The following SAMTOR variants were observed in gnomAD, a reference collection of about 807,000 sequenced individuals.
The protein encoded by SAMTOR is S-adenosylmethionine sensor upstream of mTORC1.
chr7:112,922,297 G>A, the SAMTOR span, among the ~76,000 whole-genome samples: 7 of 152,258 alleles, frequency 4.6e-5, 1 homozygote, highest in South Asian at 2.1e-4. Flanking sequence ...GCATGATCTC[G>A]GCTTGCTACA....
chr7:112,857,274 G>C, the SAMTOR span, among the ~76,000 whole-genome samples: 1 of 149,716 alleles, frequency 6.7e-6, no homozygotes, highest in African/African-American at 2.5e-5. Context: ...TGTATTTTTA[G>C]TAGAGACGGG....
the SAMTOR span, among the ~76,000 whole-genome samples, chr7:112,892,998 GTAAAC>G: frequency 6.6e-6 from 1 of 152,030 alleles, no homozygotes; most frequent in Admixed American, 6.5e-5. Context: ...TAAATATTCC[GTAAAC>G]TATTCTTTAA....
chr7:112,918,281 G>T, the SAMTOR span, among the ~76,000 whole-genome samples: 2,396 of 152,278 alleles, frequency 0.016, 66 homozygotes, highest in African/African-American at 0.054. Context: ...GAAGAGAGTG[G>T]GGGCCTATAT....
the SAMTOR span, among the ~76,000 whole-genome samples, chr7:112,848,127 TG>T: frequency 1.3e-5 from 2 of 152,180 alleles, no homozygotes; most frequent in African/African-American, 4.8e-5. Context: ...AGCTCCAGCC[TG>T]GGCAACAGAG....
At chr7:112,936,013 T>C in the SAMTOR span, among the ~76,000 whole-genome samples, 1 of 152,196 alleles carries the variant, frequency 6.6e-6, no homozygotes, top group Non-Finnish European at 1.5e-5. Context: ...GCGAAACTAG[T>C]TTTTTTAATT....
At chr7:112,920,829 G>A in the SAMTOR span, among the ~76,000 whole-genome samples, 1 of 151,982 alleles carries the variant, frequency 6.6e-6, no homozygotes, top group African/African-American at 2.4e-5. Context: ...CAAATCATGA[G>A]TGAACTCCCA....
chr7:112,838,098 G>GAC, the SAMTOR span, among the ~76,000 whole-genome samples: 1 of 151,928 alleles, frequency 6.6e-6, no homozygotes, highest in Non-Finnish European at 1.5e-5. Flanking sequence ...CTGTGAAAAG[G>GAC]GTGTTTGTGT....
At chr7:112,917,712 C>T in the SAMTOR span, among the ~76,000 whole-genome samples, 1 of 152,016 alleles carries the variant, frequency 6.6e-6, no homozygotes. Flanking sequence ...AAAATTTAGA[C>T]AAATGTATAA....
chr7:112,908,909 A>T, the SAMTOR span, among the ~76,000 whole-genome samples: 3 of 152,172 alleles, frequency 2.0e-5, no homozygotes, highest in African/African-American at 7.2e-5. Context: ...GGTTAGAACC[A>T]AGATAGCTGA....
At chr7:112,904,084 G>T in the SAMTOR span, among the ~76,000 whole-genome samples, 1 of 152,020 alleles carries the variant, frequency 6.6e-6, no homozygotes. Context: ...TTACAAAGAA[G>T]AAATTCCATG....
At chr7:112,934,671 G>A in the SAMTOR span, among the ~76,000 whole-genome samples, 14 of 152,154 alleles carry the variant, frequency 9.2e-5, no homozygotes, top group Admixed American at 3.9e-4. Flanking sequence ...TGTCCACTGT[G>A]TACTCTGGGA....
At chr7:112,919,945 T>A in the SAMTOR span, among the ~76,000 whole-genome samples, 1 of 152,240 alleles carries the variant, frequency 6.6e-6, no homozygotes, top group Admixed American at 6.5e-5. Flanking sequence ...TCTGAAATTG[T>A]GGCAATAATC....
the SAMTOR span, among the ~76,000 whole-genome samples, chr7:112,907,496 C>G: frequency 1.2e-3 from 176 of 152,040 alleles, 3 homozygotes; most frequent in South Asian, 0.012. Flanking sequence ...AAGACTGATA[C>G]ATCTAACTAC....
the SAMTOR span, chr7:112,832,547 A>G: frequency 6.9e-7 from 1 of 1,450,374 alleles, no homozygotes; most frequent in Non-Finnish European, 9.6e-7. Context: ...GTCCAAAAAC[A>G]AAACTATGCA....
At chr7:112,916,876 C>A in the SAMTOR span, among the ~76,000 whole-genome samples, 36 of 152,332 alleles carry the variant, frequency 2.4e-4, no homozygotes, top group African/African-American at 8.4e-4. Context: ...TGCAAGGCGG[C>A]AGCGAGACTG....
At chr7:112,833,580 A>T in the SAMTOR span, among the ~76,000 whole-genome samples, 12 of 152,168 alleles carry the variant, frequency 7.9e-5, no homozygotes, top group African/African-American at 2.4e-4. Flanking sequence ...AATTTGCTAT[A>T]TGCTAAATTC....
the SAMTOR span, among the ~76,000 whole-genome samples, chr7:112,838,183 T>A: frequency 1.3e-5 from 2 of 151,862 alleles, no homozygotes; most frequent in Non-Finnish European, 2.9e-5. Flanking sequence ...TGAGTCAAAT[T>A]TTTTGCCACA....
the SAMTOR span, among the ~76,000 whole-genome samples, chr7:112,920,784 C>T: frequency 2.0e-5 from 3 of 151,580 alleles, no homozygotes; most frequent in African/African-American, 7.3e-5. Flanking sequence ...ACAAAAATCA[C>T]AAGCATTCTT....
chr7:112,865,607 TATATATACATATATTCATATATATATC>T, the SAMTOR span, among the ~76,000 whole-genome samples: 1 of 147,146 alleles, frequency 6.8e-6, no homozygotes, highest in Non-Finnish European at 1.5e-5. Context: ...ATATATTTCA[TATATATACATATATTCATATATATATC>T]ATATATACAT....
Sources: gnomAD v4.1 joint callset for allele counts (sites outside exome capture counted in the v4.1 genomes callset) on GRCh38, gnomAD v4.1.1 for gene constraint, MANE v1.5 for transcripts, NCBI Gene and HGNC (gene_info 2026-07-23, HGNC 2026-07-21) for gene names.